TAF3: variants seen among roughly 807,000 people sequenced by gnomAD.
TAF3 encodes TATA-box binding protein associated factor 3, also known as transcription initiation factor TFIID subunit 3.
A neutral mutation model predicts 80.6 loss-of-function variants in TAF3; 7 were observed. The ratio of observed to expected loss-of-function variants is 0.09; its 90% CI spans 0.05 to 0.16. The LOEUF (loss-of-function observed/expected upper bound fraction) is 0.16. Among genes scored for constraint, TAF3 ranks in the 10% least tolerant of loss-of-function variants. The pLI is 1.00. For missense variants in TAF3, 921 were observed against 1,140.2 expected (o/e 0.81, Z 2.77); for synonymous variants, 444 against 446.1 (o/e 1.00, Z 0.06).
At chr10:8,000,651 C>T (rs756857077) in intron 4 of TAF3, among the ~76,000 whole-genome samples, 3 of 152,022 alleles carry the variant, frequency 2.0e-5, no homozygotes, top group Non-Finnish European at 4.4e-5. Flanking sequence ...TGGTGGCACG[C>T]ACCTGTAGTC....
chr10:7,985,140 A>G (rs912474517), intron 4 of TAF3, among the ~76,000 whole-genome samples: 2 of 152,222 alleles, frequency 1.3e-5, no homozygotes, highest in African/African-American at 2.4e-5. Flanking sequence ...GTCATTTAGA[A>G]TATGCACAGT....
At chr10:7,846,247 G>A (rs937644842) in intron 2 of TAF3, among the ~76,000 whole-genome samples, 2 of 152,156 alleles carry the variant, frequency 1.3e-5, no homozygotes. Context: ...ATGAGCCACT[G>A]CGCCCGGCCA....
chr10:7,843,613 C>T (rs998011057), intron 2 of TAF3, among the ~76,000 whole-genome samples: 2 of 149,746 alleles, frequency 1.3e-5, no homozygotes, highest in African/African-American at 2.4e-5. Flanking sequence ...TTTCTCTCTC[C>T]CTGTTGTGTG....
intron 2 of TAF3, among the ~76,000 whole-genome samples, chr10:7,889,836 G>C (rs1837442172): frequency 6.6e-6 from 1 of 152,006 alleles, no homozygotes; most frequent in Non-Finnish European, 1.5e-5. Flanking sequence ...TTTAATTCCT[G>C]TCAGTTGTAC....
chr10:7,973,519 CAGAAG>C (rs1479898456), intron 3 of TAF3, among the ~76,000 whole-genome samples: 1 of 152,084 alleles, frequency 6.6e-6, no homozygotes, highest in Non-Finnish European at 1.5e-5. Context: ...TGTGTGACCT[CAGAAG>C]AGAAAAGGAA....
chr10:8,006,477 G>A (rs1831994982), intron 4 of TAF3, among the ~76,000 whole-genome samples: 1 of 152,118 alleles, frequency 6.6e-6, no homozygotes, highest in African/African-American at 2.4e-5. Flanking sequence ...CAGACATATA[G>A]AAAGTGCTCA....
At chr10:7,885,295 C>G (rs1356487430) in intron 2 of TAF3, among the ~76,000 whole-genome samples, 1 of 151,886 alleles carries the variant, frequency 6.6e-6, no homozygotes, top group Non-Finnish European at 1.5e-5. Context: ...CACAAAGTGA[C>G]TAATTCCTTC....
At chr10:7,904,749 T>C (rs1347684621) in intron 2 of TAF3, among the ~76,000 whole-genome samples, 1 of 152,150 alleles carries the variant, frequency 6.6e-6, no homozygotes, top group Non-Finnish European at 1.5e-5. Flanking sequence ...AGTAGAAATT[T>C]GGAATAGTTA....
intron 3 of TAF3, among the ~76,000 whole-genome samples, chr10:7,973,113 G>T (rs930524690): frequency 6.6e-6 from 1 of 152,108 alleles, no homozygotes; most frequent in African/African-American, 2.4e-5. Context: ...TCTTACATGG[G>T]AATAACACCA....
At chr10:7,835,551 G>A (rs1170267068) in intron 2 of TAF3, among the ~76,000 whole-genome samples, 18 of 152,288 alleles carry the variant, frequency 1.2e-4, no homozygotes, top group Non-Finnish European at 2.2e-4. Flanking sequence ...CTCTCAGCGA[G>A]GCTCTGTCCT....
At chr10:8,007,980 G>A (rs1832013018) in intron 4 of TAF3, among the ~76,000 whole-genome samples, 1 of 152,060 alleles carries the variant, frequency 6.6e-6, no homozygotes, top group Non-Finnish European at 1.5e-5. Flanking sequence ...TGCTGTTAGT[G>A]GAGGAGCAGG....
chr10:7,849,720 C>T (rs1349465996), intron 2 of TAF3, among the ~76,000 whole-genome samples: 1 of 151,568 alleles, frequency 6.6e-6, no homozygotes, highest in Non-Finnish European at 1.5e-5. Context: ...CACTCTGTCA[C>T]CCAGGCTGGA....
chr10:8,003,950 A>G (rs1831969022), intron 4 of TAF3, among the ~76,000 whole-genome samples: 1 of 152,208 alleles, frequency 6.6e-6, no homozygotes, highest in Non-Finnish European at 1.5e-5. Context: ...AGTTATTTTC[A>G]TAAAAAAAAA....
chr10:8,005,603 T>C (rs1831983805), intron 4 of TAF3, among the ~76,000 whole-genome samples: 1 of 152,252 alleles, frequency 6.6e-6, no homozygotes, highest in South Asian at 2.1e-4. Flanking sequence ...ACTTGCCTAA[T>C]GCGTAAATGC....
intron 2 of TAF3, among the ~76,000 whole-genome samples, chr10:7,894,013 T>C (rs919648451): frequency 9.2e-5 from 14 of 152,204 alleles, no homozygotes; most frequent in African/African-American, 3.4e-4. Context: ...TTACTCCAGC[T>C]GTAGTCTTCT....
intron 2 of TAF3, among the ~76,000 whole-genome samples, chr10:7,899,908 T>C (rs1046998655): frequency 6.6e-6 from 1 of 152,208 alleles, no homozygotes; most frequent in Non-Finnish European, 1.5e-5. Context: ...TTTTCTAGAT[T>C]ATGGGGTTAT....
chr10:7,942,019 A>C (rs1588560173), intron 2 of TAF3, among the ~76,000 whole-genome samples: 1 of 152,112 alleles, frequency 6.6e-6, no homozygotes, highest in East Asian at 1.9e-4. Flanking sequence ...ATTTGTTTTG[A>C]GGTCAGTTTT....
intron 4 of TAF3, among the ~76,000 whole-genome samples, chr10:7,977,868 C>T (rs1157622548): frequency 1.3e-5 from 2 of 152,110 alleles, no homozygotes; most frequent in South Asian, 2.1e-4. Flanking sequence ...GCAAACCCCA[C>T]GTTTGCTGTT....
chr10:8,004,604 C>A (rs1831974441), intron 4 of TAF3, among the ~76,000 whole-genome samples: 2 of 151,982 alleles, frequency 1.3e-5, no homozygotes, highest in Non-Finnish European at 2.9e-5. Context: ...GATGTTATTC[C>A]ACTATCTTCT....
Sources: gnomAD v4.1 joint callset for allele counts (sites outside exome capture counted in the v4.1 genomes callset) on GRCh38, gnomAD v4.1.1 for gene constraint, MANE v1.5 for transcripts, NCBI Gene and HGNC (gene_info 2026-07-23, HGNC 2026-07-21) for gene names.